LUZP2: variants seen among roughly 807,000 people sequenced by gnomAD.
LUZP2 encodes the protein leucine zipper protein 2.
In LUZP2, 52 loss-of-function variants were observed where a neutral mutation model predicts 51.6. The observed-to-expected ratio is 1.01, with a 90% CI of 0.81 to 1.27. The LOEUF (loss-of-function observed/expected upper bound fraction) is 1.27. LUZP2 is among the 50% of genes most tolerant of loss of function. The pLI is 0.00. For missense variants in LUZP2, 436 were observed against 395.4 expected (o/e 1.10, Z -0.87); for synonymous variants, 154 against 137.3 (o/e 1.12, Z -0.85).
chr11:24,522,303 C>CT (rs1357528524), intron 1 of LUZP2, among the ~76,000 whole-genome samples: 22 of 151,460 alleles, frequency 1.5e-4, no homozygotes, highest in Non-Finnish European at 3.1e-4. Context: ...AAAACCACCT[C>CT]TTTTTTAAGT....
intron 7 of LUZP2, among the ~76,000 whole-genome samples, chr11:24,966,849 A>G (rs1266785793): frequency 6.8e-6 from 1 of 147,142 alleles, no homozygotes; most frequent in Non-Finnish European, 1.5e-5. Flanking sequence ...TATATAATGG[A>G]TATATACATA....
intron 9 of LUZP2, among the ~76,000 whole-genome samples, chr11:25,033,957 G>T (rs988882918): frequency 6.6e-6 from 1 of 152,116 alleles, no homozygotes; most frequent in East Asian, 1.9e-4. Flanking sequence ...TAATGGGATT[G>T]CTGGGTCAAA....
chr11:24,715,263 ATGTGTG>A (rs58368050), intron 1 of LUZP2, among the ~76,000 whole-genome samples: 4,428 of 133,858 alleles, frequency 0.033, 209 homozygotes, highest in African/African-American at 0.1. Flanking sequence ...AGGAGCAACT[ATGTGTG>A]TGTGTGTGTG....
intron 4 of LUZP2, among the ~76,000 whole-genome samples, chr11:24,755,921 C>T (rs1188237956): frequency 1.3e-5 from 2 of 152,052 alleles, no homozygotes; most frequent in African/African-American, 2.4e-5. Context: ...CAATCTTTCC[C>T]CTTCCAAGCC....
intron 9 of LUZP2, among the ~76,000 whole-genome samples, chr11:25,016,114 G>A (rs1422547369): frequency 6.6e-6 from 1 of 151,796 alleles, no homozygotes; most frequent in Non-Finnish European, 1.5e-5. Context: ...TAGAGACGGG[G>A]TTTCATGGTG....
At chr11:24,602,124 A>G (rs199953256) in intron 1 of LUZP2, among the ~76,000 whole-genome samples, 23,472 of 114,256 alleles carry the variant, frequency 0.21, 4,242 homozygotes, top group African/African-American at 0.24. Flanking sequence ...ATATGTATAT[A>G]TGTATATGTG....
chr11:24,535,495 AATATCTTT>A (rs1459086868), intron 1 of LUZP2, among the ~76,000 whole-genome samples: 1 of 151,610 alleles, frequency 6.6e-6, no homozygotes, highest in Non-Finnish European at 1.5e-5. Context: ...CAGTATTCAT[AATATCTTT>A]ACCAGGAGTA....
chr11:24,649,267 T>C (rs1277080044), intron 1 of LUZP2, among the ~76,000 whole-genome samples: 1 of 151,986 alleles, frequency 6.6e-6, no homozygotes, highest in African/African-American at 2.4e-5. Flanking sequence ...AAGTGGGTAA[T>C]GGTTTTCCAG....
chr11:24,539,252 T>G (rs1851281321), intron 1 of LUZP2, among the ~76,000 whole-genome samples: 1 of 151,956 alleles, frequency 6.6e-6, no homozygotes, highest in Non-Finnish European at 1.5e-5. Context: ...CCTGTAAGTC[T>G]TTTATTCCAA....
chr11:24,887,124 C>G (rs183167986), intron 5 of LUZP2, among the ~76,000 whole-genome samples: 2 of 152,228 alleles, frequency 1.3e-5, no homozygotes, highest in South Asian at 4.1e-4. Flanking sequence ...CTGCTGGGAA[C>G]GCTATGGACC....
chr11:24,662,230 C>A (rs1323052845), intron 1 of LUZP2, among the ~76,000 whole-genome samples: 1 of 152,002 alleles, frequency 6.6e-6, no homozygotes, highest in East Asian at 1.9e-4. Context: ...CTATTCTTAG[C>A]TTCAGAGGCA....
chr11:24,534,510 C>CATATATAGAAAGCAT (rs1851110544), intron 1 of LUZP2, among the ~76,000 whole-genome samples: 1 of 150,150 alleles, frequency 6.7e-6, no homozygotes, highest in Admixed American at 6.7e-5. Flanking sequence ...ATATAGAAAG[C>CATATATAGAAAGCAT]ATATATAGAG....
At chr11:24,741,097 G>A (rs919424285) in intron 4 of LUZP2, among the ~76,000 whole-genome samples, 2 of 151,942 alleles carry the variant, frequency 1.3e-5, no homozygotes, top group Non-Finnish European at 2.9e-5. Context: ...CATACTTTAG[G>A]ATGTTCTATT....
intron 1 of LUZP2, among the ~76,000 whole-genome samples, chr11:24,704,913 G>A (rs1251585552): frequency 1.3e-5 from 2 of 152,052 alleles, no homozygotes; most frequent in Non-Finnish European, 2.9e-5. Context: ...CAGATTTATT[G>A]CTTACATTAT....
intron 4 of LUZP2, among the ~76,000 whole-genome samples, chr11:24,761,081 C>T (rs113210640): frequency 0.043 from 6,593 of 152,234 alleles, 252 homozygotes; most frequent in African/African-American, 0.097. Flanking sequence ...GGACTTTCCA[C>T]ATCCTGTGTA....
At chr11:24,704,905 G>T (rs1857528781) in intron 1 of LUZP2, among the ~76,000 whole-genome samples, 1 of 152,100 alleles carries the variant, frequency 6.6e-6, no homozygotes, top group African/African-American at 2.4e-5. Flanking sequence ...CCTTCAGGCA[G>T]ATTTATTGCT....
At chr11:24,635,672 T>C (rs895230346) in intron 1 of LUZP2, among the ~76,000 whole-genome samples, 2 of 152,136 alleles carry the variant, frequency 1.3e-5, no homozygotes, top group Admixed American at 1.3e-4. Context: ...AACAAAGTTA[T>C]ACATTTTAAA....
At chr11:25,032,036 A>C (rs531205063) in intron 9 of LUZP2, among the ~76,000 whole-genome samples, 2 of 152,220 alleles carry the variant, frequency 1.3e-5, no homozygotes, top group African/African-American at 4.8e-5. Flanking sequence ...GGGCATCGTG[A>C]CTATGGACAG....
At chr11:24,765,515 C>A (rs913891916) in intron 5 of LUZP2, among the ~76,000 whole-genome samples, 1 of 152,014 alleles carries the variant, frequency 6.6e-6, no homozygotes, top group Non-Finnish European at 1.5e-5. Context: ...TTGAGACAAC[C>A]GTATGGGTTT....
Sources: allele counts gnomAD v4.1 joint callset (sites outside exome capture counted in the v4.1 genomes callset), GRCh38; gene constraint gnomAD v4.1.1; transcripts MANE v1.5; gene names NCBI Gene and HGNC (gene_info 2026-07-23, HGNC 2026-07-21).